KHDRBS2: variants seen among roughly 807,000 people sequenced by gnomAD.
KHDRBS2 encodes KH RNA binding domain containing, signal transduction associated 2.
In KHDRBS2, 26 loss-of-function variants were observed where a neutral mutation model predicts 44.3. That is an observed-to-expected ratio of 0.59 (90% CI 0.43 to 0.81). KHDRBS2 has a LOEUF of 0.81. KHDRBS2 is among the 40% of genes least tolerant of loss of function. The pLI, the probability that KHDRBS2 is intolerant of heterozygous loss-of-function variation, is 0.00. For missense variants in KHDRBS2, 476 were observed against 433.1 expected (o/e 1.10, Z -0.88); for synonymous variants, 194 against 151.1 (o/e 1.28, Z -2.08).
chr6:61,587,096 A>T, the KHDRBS2 span, among the ~76,000 whole-genome samples: 2 of 151,632 alleles, frequency 1.3e-5, no homozygotes, highest in African/African-American at 2.4e-5. Flanking sequence ...AGCACTGCCT[A>T]CTCCCCCACC....
intron 2 of KHDRBS2, among the ~76,000 whole-genome samples, chr6:62,100,746 T>A (rs1044272625): frequency 2.0e-5 from 3 of 152,322 alleles, no homozygotes; most frequent in African/African-American, 7.2e-5. Flanking sequence ...TATACTTAAA[T>A]AGACTATAGT....
At chr6:61,860,139 T>C (rs1796712189) in intron 6 of KHDRBS2, among the ~76,000 whole-genome samples, 1 of 151,902 alleles carries the variant, frequency 6.6e-6, no homozygotes, top group African/African-American at 2.4e-5. Context: ...CAAAGTAGAA[T>C]AAGTAAAAAA....
At chr6:61,639,179 C>T in the KHDRBS2 span, among the ~76,000 whole-genome samples, 3 of 152,078 alleles carry the variant, frequency 2.0e-5, no homozygotes, top group African/African-American at 4.8e-5. Flanking sequence ...TAATGTCCTA[C>T]AGTCTCCCAT....
chr6:62,190,731 C>T (rs1289852347), intron 1 of KHDRBS2, among the ~76,000 whole-genome samples: 1 of 152,062 alleles, frequency 6.6e-6, no homozygotes, highest in African/African-American at 2.4e-5. Flanking sequence ...AAAACCTATT[C>T]TTTCACTATC....
chr6:62,184,597 G>T (rs1823045425), intron 1 of KHDRBS2, among the ~76,000 whole-genome samples: 1 of 151,624 alleles, frequency 6.6e-6, no homozygotes, highest in South Asian at 2.1e-4. Flanking sequence ...GCCAATCTTT[G>T]CTTTAAAATA....
At chr6:62,069,325 AT>A (rs1195926535) in intron 2 of KHDRBS2, among the ~76,000 whole-genome samples, 2 of 151,744 alleles carry the variant, frequency 1.3e-5, no homozygotes, top group East Asian at 3.9e-4. Flanking sequence ...CAGAAAATAT[AT>A]TTGTAGTATT....
chr6:62,118,502 C>T (rs1053078301), intron 2 of KHDRBS2, among the ~76,000 whole-genome samples: 1 of 151,998 alleles, frequency 6.6e-6, no homozygotes, highest in Non-Finnish European at 1.5e-5. Flanking sequence ...ATTTTCCTTA[C>T]TCTTTATTTT....
chr6:61,672,961 A>G, the KHDRBS2 span, among the ~76,000 whole-genome samples: 1 of 151,876 alleles, frequency 6.6e-6, no homozygotes, highest in Non-Finnish European at 1.5e-5. Context: ...GTTTTCTTCT[A>G]GGGTTTTTAT....
chr6:62,275,828 A>C (rs1449269221), intron 1 of KHDRBS2, among the ~76,000 whole-genome samples: 1 of 152,152 alleles, frequency 6.6e-6, no homozygotes, highest in African/African-American at 2.4e-5. Flanking sequence ...AAAAAATCCA[A>C]ATTGATTGTA....
chr6:61,849,750 T>C (rs1261112436), intron 6 of KHDRBS2, among the ~76,000 whole-genome samples: 3 of 152,028 alleles, frequency 2.0e-5, no homozygotes, highest in Non-Finnish European at 4.4e-5. Context: ...TTTCGAATTT[T>C]ATAGCAGCTA....
At chr6:62,170,796 G>A (rs1819832113) in intron 2 of KHDRBS2, among the ~76,000 whole-genome samples, 6 of 152,046 alleles carry the variant, frequency 3.9e-5, no homozygotes, top group African/African-American at 1.4e-4. Flanking sequence ...GAACAAAGAT[G>A]GGGACCTGGG....
intron 2 of KHDRBS2, among the ~76,000 whole-genome samples, chr6:62,062,035 C>T (rs1421608948): frequency 2.6e-5 from 4 of 151,604 alleles, no homozygotes; most frequent in African/African-American, 9.7e-5. Context: ...CAAAGAAGGC[C>T]ATTACATAAT....
intron 2 of KHDRBS2, among the ~76,000 whole-genome samples, chr6:62,114,314 A>T (rs1162574978): frequency 6.6e-6 from 1 of 152,156 alleles, no homozygotes; most frequent in Non-Finnish European, 1.5e-5. Flanking sequence ...TATTTGTATA[A>T]AGGAAAATAA....
intron 6 of KHDRBS2, among the ~76,000 whole-genome samples, chr6:61,860,386 G>A (rs1003015890): frequency 1.8e-4 from 28 of 151,748 alleles, no homozygotes; most frequent in African/African-American, 5.8e-4. Context: ...TCTGCCCCCC[G>A]ATAGCCTCCA....
intron 3 of KHDRBS2, among the ~76,000 whole-genome samples, chr6:62,002,598 G>T (rs1216739413): frequency 6.6e-6 from 1 of 150,970 alleles, no homozygotes; most frequent in Non-Finnish European, 1.5e-5. Flanking sequence ...TTTATCTGAA[G>T]ATTTCAATCG....
chr6:62,271,600 T>G (rs1840102234), intron 1 of KHDRBS2, among the ~76,000 whole-genome samples: 4 of 152,128 alleles, frequency 2.6e-5, no homozygotes, highest in Admixed American at 2.6e-4. Context: ...CCCTATGTGT[T>G]ATTGCCCCTG....
At chr6:61,595,065 G>T in the KHDRBS2 span, among the ~76,000 whole-genome samples, 2 of 151,936 alleles carry the variant, frequency 1.3e-5, no homozygotes, top group Admixed American at 1.3e-4. Flanking sequence ...ACTGTTTTTT[G>T]AGTTTACTCA....
intron 3 of KHDRBS2, among the ~76,000 whole-genome samples, chr6:62,033,947 G>T (rs1209969563): frequency 6.7e-6 from 1 of 150,142 alleles, no homozygotes; most frequent in Non-Finnish European, 1.5e-5. Flanking sequence ...AGAGAGAGAA[G>T]GTCCAAATAA....
chr6:61,905,956 A>G (rs376462260), intron 4 of KHDRBS2, among the ~76,000 whole-genome samples: 1 of 148,634 alleles, frequency 6.7e-6, no homozygotes, highest in East Asian at 2.0e-4. Context: ...CCCGGGTTCA[A>G]GCGATTATCC....
Sources: allele counts gnomAD v4.1 joint callset (sites outside exome capture counted in the v4.1 genomes callset), GRCh38; gene constraint gnomAD v4.1.1; transcripts MANE v1.5; gene names NCBI Gene and HGNC (gene_info 2026-07-23, HGNC 2026-07-21).